The following SACM1L variants were observed in gnomAD, a reference collection of about 807,000 sequenced individuals.
SACM1L encodes phosphatidylinositol-3-phosphatase SAC1.
Under a neutral mutation model 89.5 loss-of-function variants are expected in SACM1L, and 32 were observed. The observed-to-expected ratio is 0.36, with a 90% CI of 0.27 to 0.48. The LOEUF is 0.48. Among genes scored for constraint, SACM1L ranks in the 20% least tolerant of loss-of-function variants. The pLI, the probability that SACM1L is intolerant of heterozygous loss-of-function variation, is 0.99. For missense variants in SACM1L, 543 were observed against 708.5 expected, an observed-to-expected ratio of 0.77 and a Z score of 2.65; for synonymous variants, 213 against 232.8, an observed-to-expected ratio of 0.92 and a Z score of 0.77.
chr3:45,740,377 T>C (rs74824511), intron 19 of SACM1L, among the ~76,000 whole-genome samples: 1 of 152,294 alleles, frequency 6.6e-6, no homozygotes, highest in African/African-American at 2.4e-5. Flanking sequence ...AACAGGACTG[T>C]CTTTTAGGGT....
chr3:45,705,085 G>A (rs1698356760), intron 2 of SACM1L, 50 bp from the exon 3 acceptor site: 1 of 1,220,494 alleles, frequency 8.2e-7, no homozygotes, highest in Admixed American at 1.9e-5. Flanking sequence ...TTCTGTTTCT[G>A]TTGGTGAGCT....
At chr3:45,715,908 C>T (rs913761599) in intron 7 of SACM1L, among the ~76,000 whole-genome samples, 3 of 151,550 alleles carry the variant, frequency 2.0e-5, no homozygotes, top group Admixed American at 2.0e-4. Context: ...GATTATAGAA[C>T]CTTTTTTTCT....
At chr3:45,689,906 G>C (rs1225868459) in intron 1 of SACM1L, 1 of 240,534 alleles carries the variant, frequency 4.2e-6, no homozygotes, top group Non-Finnish European at 8.1e-6. Flanking sequence ...CAGCAATTTA[G>C]AGTCTACGCA....
intron 17 of SACM1L, 50 bp downstream of exon 17, chr3:45,738,721 AT>A (rs1460007554): frequency 6.6e-7 from 1 of 1,518,246 alleles, no homozygotes; most frequent in Admixed American, 1.7e-5. Flanking sequence ...GTATCTTTGC[AT>A]TGTTCATCAC....
chr3:45,731,247 C>A, intron 11 of SACM1L, 54 bp from the exon 12 acceptor site: 1 of 1,170,778 alleles, frequency 8.5e-7, no homozygotes, highest in Non-Finnish European at 1.2e-6. Context: ...TTTTCTGATA[C>A]CATTCTCTCC....
intron 1 of SACM1L, among the ~76,000 whole-genome samples, chr3:45,693,202 C>G (rs2125679185): frequency 6.6e-6 from 1 of 152,272 alleles, no homozygotes; most frequent in East Asian, 1.9e-4. Context: ...GCTTATAGGA[C>G]CACCATCATA....
intron 1 of SACM1L, among the ~76,000 whole-genome samples, chr3:45,694,377 A>T (rs771839336): frequency 3.9e-5 from 6 of 152,172 alleles, no homozygotes; most frequent in African/African-American, 1.4e-4. Flanking sequence ...AACCTAAGCT[A>T]CCTTGTGATA....
rs1342847431 is a variant in SACM1L, at chr3:45,689,424, G to A, written c.-42G>A. ...GTTGTAGCCGAGGTGGCGGCGCGGG[G>A]CGGGGCGGGCGGAGAGAGAAGGAAG... On this transcript the variant is annotated 5_prime_UTR_variant, in exon 1 of 20. Transcript: ENST00000389061. 4.5e-6 allele frequency: 7 copies of A among 1,550,486 alleles called. No individual in the cohort carries two copies. In the Admixed American group the frequency reaches 1.2e-4, roughly 26 times the overall value.
chr3:45,737,942 A>G (rs1185523736), intron 16 of SACM1L, 98 bp downstream of exon 16: 37 of 923,058 alleles, frequency 4.0e-5, no homozygotes, highest in Non-Finnish European at 6.2e-5. Flanking sequence ...AGCAGCAACA[A>G]CAGCAAGACT....
intron 1 of SACM1L, among the ~76,000 whole-genome samples, chr3:45,696,874 A>G (rs538486247): frequency 6.6e-6 from 1 of 152,332 alleles, no homozygotes; most frequent in Non-Finnish European, 1.5e-5. Context: ...TGTTAATATT[A>G]TAATTAAAGA....
At chr3:45,731,403 C>G (rs1203630926) in intron 12 of SACM1L, 23 bp downstream of exon 12, 2 of 1,495,006 alleles carry the variant, frequency 1.3e-6, no homozygotes, top group African/African-American at 1.4e-5. Context: ...AAATCTGTTG[C>G]AGGTCTTTTC....
At chr3:45,706,407 C>T (rs937972602) in intron 3 of SACM1L, among the ~76,000 whole-genome samples, 2 of 152,110 alleles carry the variant, frequency 1.3e-5, no homozygotes, top group African/African-American at 2.4e-5. Context: ...TCAGATCTCA[C>T]GTCCTGATGC....
chr3:45,726,424 A>G (rs1195418505), intron 11 of SACM1L, among the ~76,000 whole-genome samples: 1 of 149,576 alleles, frequency 6.7e-6, no homozygotes, highest in African/African-American at 2.5e-5. Context: ...TAGATTTTCT[A>G]TTTTTTCATG....
intron 8 of SACM1L, among the ~76,000 whole-genome samples, chr3:45,720,146 A>C (rs553878053): frequency 6.6e-6 from 1 of 152,294 alleles, no homozygotes; most frequent in East Asian, 1.9e-4. Context: ...AGCATATTTT[A>C]TGGCTGTGAG....
intron 14 of SACM1L, chr3:45,737,151 A>G: frequency 6.0e-6 from 1 of 166,830 alleles, no homozygotes; most frequent in Non-Finnish European, 1.3e-5. Flanking sequence ...AGATTCTTAA[A>G]GGTCCCTGGG....
Position 45,696,216 on chromosome 3 carries a change from C to T in SACM1L, c.32+6719C>T, listed in dbSNP as rs928473136. On this transcript the variant is annotated intron_variant, in intron 1 of 19. Transcript: ENST00000389061. ...GTTTCACTGCATTTGCCAGGATGGT[C>T]TCCATCTCCTGACCTCGTGATCCGC... Among the ~76,000 whole-genome samples the T allele has an allele frequency of 7.9e-5, 12 of 152,118 alleles. No individual in the cohort carries two copies. In the East Asian group the frequency reaches 2.3e-3, roughly 29 times the overall value.
At chr3:45,704,558 A>G (rs1024545611) in intron 2 of SACM1L, among the ~76,000 whole-genome samples, 2 of 152,188 alleles carry the variant, frequency 1.3e-5, no homozygotes, top group African/African-American at 2.4e-5. Context: ...CACTTCTCCT[A>G]AAGTTTAAAT....
intron 11 of SACM1L, among the ~76,000 whole-genome samples, chr3:45,725,519 A>G (rs1698898252): frequency 6.6e-6 from 1 of 152,104 alleles, no homozygotes; most frequent in East Asian, 1.9e-4. Flanking sequence ...TTGTTAGTAT[A>G]TAGAAATGCA....
intron 1 of SACM1L, among the ~76,000 whole-genome samples, chr3:45,699,063 G>A (rs961303405): frequency 3.3e-5 from 5 of 152,106 alleles, no homozygotes; most frequent in South Asian, 2.1e-4. Context: ...GAGCCTCTGC[G>A]CCTGGCCTGT....
Sources: allele counts gnomAD v4.1 joint callset (sites outside exome capture counted in the v4.1 genomes callset), GRCh38; gene constraint gnomAD v4.1.1; transcripts MANE v1.5; gene names NCBI Gene and HGNC (gene_info 2026-07-23, HGNC 2026-07-21).